Variants in LRRC7 observed in about 807,000 individuals in gnomAD.
LRRC7 encodes leucine rich repeat containing 7.
In LRRC7, 23 loss-of-function variants were observed where a neutral mutation model predicts 175.7. The observed-to-expected ratio is 0.13, with a 90% CI of 0.09 to 0.19. The LOEUF (loss-of-function observed/expected upper bound fraction) is 0.19. LRRC7 is among the 10% of genes least tolerant of loss of function. The probability of loss-of-function intolerance (pLI) is 1.00; values close to 1 mark genes in which losing one functional copy is unlikely to be tolerated. For synonymous variants in LRRC7, 685 were observed against 680.9 expected (o/e 1.01, Z -0.09); for missense variants, 1,354 against 1,904.7 (o/e 0.71, Z 5.38).
chr1:70,090,923 T>C (rs1230699505), intron 25 of LRRC7, among the ~76,000 whole-genome samples: 1 of 152,138 alleles, frequency 6.6e-6, no homozygotes, highest in African/African-American at 2.4e-5. Flanking sequence ...TTTCTTATAC[T>C]CTTCCTACCC....
chr1:69,725,710 A>C (rs1666886028), intron 2 of LRRC7, among the ~76,000 whole-genome samples: 1 of 152,168 alleles, frequency 6.6e-6, no homozygotes, highest in Admixed American at 6.5e-5. Flanking sequence ...TGGAGGCAAG[A>C]AGGGAACTTG....
intron 7 of LRRC7, among the ~76,000 whole-genome samples, chr1:69,883,227 C>A (rs1027258605): frequency 6.7e-6 from 1 of 150,364 alleles, no homozygotes; most frequent in African/African-American, 2.4e-5. Context: ...TACAGTCCCA[C>A]CAACAGTGTA....
intron 1 of LRRC7, among the ~76,000 whole-genome samples, chr1:69,667,480 G>T (rs1462485907): frequency 6.6e-6 from 1 of 152,068 alleles, no homozygotes; most frequent in Non-Finnish European, 1.5e-5. Context: ...GTATACCTAT[G>T]TGCTCCTGTA....
chr1:69,671,737 G>A (rs975843408), intron 1 of LRRC7, among the ~76,000 whole-genome samples: 1 of 152,100 alleles, frequency 6.6e-6, no homozygotes, highest in Non-Finnish European at 1.5e-5. Flanking sequence ...CTCTGTGGTC[G>A]GGCATCAGCT....
At position 70,106,970 on chromosome 1, in the gene LRRC7, T is replaced by G. The variant is rs1484473671; in HGVS notation, c.4546-782T>G. On this transcript the variant is annotated intron_variant, in intron 25 of 26. Coordinates refer to ENST00000651989, the MANE Select transcript of LRRC7 (RefSeq NM_001370785.2). ...ATAACACTTGTCACAATGTTTATAA[T>G]TATTGGTTTTCTTGACTTCTCCTCC... 3.9e-5 allele frequency among the ~76,000 whole-genome samples: 6 copies of G among 152,342 alleles called. No individual in the cohort carries two copies. The East Asian group carries it at 1.2e-3, about 29-fold the overall frequency.
chr1:69,850,449 C>A (rs1682850215), intron 7 of LRRC7, among the ~76,000 whole-genome samples: 1 of 152,040 alleles, frequency 6.6e-6, no homozygotes, highest in Admixed American at 6.6e-5. Context: ...CTTAGCTTTA[C>A]AATGAACAGT....
At chr1:69,934,888 G>A (rs1409421215) in intron 8 of LRRC7, among the ~76,000 whole-genome samples, 1 of 151,988 alleles carries the variant, frequency 6.6e-6, no homozygotes, top group Non-Finnish European at 1.5e-5. Context: ...TCCCTGTGCT[G>A]GAAAAAAGAG....
At chr1:70,113,481 T>C (rs1349796460) in intron 26 of LRRC7, among the ~76,000 whole-genome samples, 5 of 152,140 alleles carry the variant, frequency 3.3e-5, no homozygotes, top group African/African-American at 1.2e-4. Context: ...GGCTCCAGAC[T>C]CATTGCCAGA....
chr1:69,621,459 AACATCAGCGAATCTTTAGAACTGAATTT>A (rs1650586888), intron 1 of LRRC7, among the ~76,000 whole-genome samples: 2 of 152,142 alleles, frequency 1.3e-5, no homozygotes, highest in African/African-American at 4.8e-5. Context: ...TGGATCTTAA[AACATCAGCGAATCTTTAGAACTGAATTT>A]ACATCATGTT....
intron 7 of LRRC7, chr1:69,873,564 A>G (rs1685765399): frequency 3.9e-6 from 2 of 517,430 alleles, no homozygotes; most frequent in Admixed American, 2.0e-5. Context: ...TTCGGGCACC[A>G]GAAATGGCAG....
Position 69,570,890 on chromosome 1 carries a change from C to A in LRRC7, c.2+2249C>A, listed in dbSNP as rs115798118. ...GTGTCTCAGGCCTGTGGAAAATGTC[C>A]TGAGGTCAGAATATTTATTAATTTA... On this transcript the variant is annotated intron_variant, in intron 1 of 26. Transcript: ENST00000651989. Among the ~76,000 whole-genome samples, 1,182 of 152,194 alleles carry A rather than the reference C, an allele frequency of 7.8e-3. 14 individuals carry two copies. Among genetic ancestry groups the A allele is most frequent in the Non-Finnish European group, 0.012 (843 of 68,006 alleles).
intron 5 of LRRC7, among the ~76,000 whole-genome samples, chr1:69,829,447 T>TTATC (rs1213115565): frequency 6.6e-6 from 1 of 151,826 alleles, no homozygotes; most frequent in Non-Finnish European, 1.5e-5. Context: ...CTTTAAATAT[T>TTATC]TATCTTTTCT....
intron 2 of LRRC7, among the ~76,000 whole-genome samples, chr1:69,753,240 T>A (rs1670030374): frequency 6.6e-6 from 1 of 151,946 alleles, no homozygotes; most frequent in African/African-American, 2.4e-5. Flanking sequence ...TACTTCCTCA[T>A]TCTGTTTTGT....
chr1:69,717,575 C>G (rs147832240), intron 2 of LRRC7, among the ~76,000 whole-genome samples: 2 of 151,396 alleles, frequency 1.3e-5, no homozygotes, highest in African/African-American at 4.8e-5. Flanking sequence ...AAGTGGCACA[C>G]GCTTATCCTA....
intron 4 of LRRC7, among the ~76,000 whole-genome samples, chr1:69,806,594 C>G (rs1677143231): frequency 6.6e-6 from 1 of 152,006 alleles, no homozygotes; most frequent in African/African-American, 2.4e-5. Flanking sequence ...ATAATCTGCA[C>G]TTCCTACTCA....
chr1:69,932,191 G>A lies in LRRC7; in HGVS notation c.711+621G>A, dbSNP rs537528941. ...GAAAGCATATACTTCTTTACAAGAC[G>A]GCTCAGCTTTCTCTATTCAGAAGTC... On this transcript the variant is annotated intron_variant, in intron 8 of 26. Transcript: ENST00000651989. Among the ~76,000 whole-genome samples, 4 of 152,162 alleles carry A rather than the reference G, an allele frequency of 2.6e-5. No individual in the cohort carries two copies. The South Asian group carries it at 6.2e-4, about 24-fold the overall frequency.
rs1646090842 is a variant in LRRC7, at chr1:69,579,138, T to G, written c.2+10497T>G. On this transcript the variant is annotated intron_variant, in intron 1 of 26. Coordinates refer to ENST00000651989, the MANE Select transcript of LRRC7 (RefSeq NM_001370785.2). ...GTGTCAAGAGTTGTAATTTAATGAATCAACATAATAAAATGTAATGTGATA... is the reference window on the plus strand; with the variant it reads ...GTGTCAAGAGTTGTAATTTAATGAAGCAACATAATAAAATGTAATGTGATA... Among the ~76,000 whole-genome samples the G allele has an allele frequency of 2.6e-5, 4 of 152,110 alleles. No individual in the cohort carries two copies. The South Asian group carries it at 8.3e-4, about 32-fold the overall frequency.
intron 11 of LRRC7, among the ~76,000 whole-genome samples, chr1:70,010,577 A>G (rs1656414775): frequency 6.6e-6 from 1 of 152,204 alleles, no homozygotes; most frequent in African/African-American, 2.4e-5. Context: ...CAAAAGAAAA[A>G]AAAAGGATTC....
Position 70,073,463 on chromosome 1 carries a change from T to C in LRRC7, c.4231-2614T>C, listed in dbSNP as rs565349008. Among the ~76,000 whole-genome samples the C allele has an allele frequency of 2.0e-5, 3 of 152,074 alleles. No homozygotes were observed. The East Asian group carries it at 5.8e-4, about 29-fold the overall frequency. ...AAGACTCTGTCTCTAAAAATAAAAA[T>C]TAAAACTCAATTCAAATAACAAAGG... On this transcript the variant is annotated intron_variant, in intron 23 of 26. Coordinates refer to ENST00000651989, the MANE Select transcript of LRRC7 (RefSeq NM_001370785.2).
Sources: gnomAD v4.1 joint callset for allele counts (sites outside exome capture counted in the v4.1 genomes callset) on GRCh38, gnomAD v4.1.1 for gene constraint, MANE v1.5 for transcripts, NCBI Gene and HGNC (gene_info 2026-07-23, HGNC 2026-07-21) for gene names.